Variants in ASTN2 observed in about 807,000 individuals in gnomAD.
The protein encoded by ASTN2 is astrotactin 2.
Under a neutral mutation model 139.8 loss-of-function variants are expected in ASTN2, and 54 were observed. That is an observed-to-expected ratio of 0.39 (90% CI 0.31 to 0.48). ASTN2 has a LOEUF of 0.48. Ranked by LOEUF, ASTN2 falls within the 20% of genes least tolerant of loss-of-function variation. ASTN2 has a pLI of 0.95. For missense variants in ASTN2, 1,565 were observed against 1,725.1 expected, an observed-to-expected ratio of 0.91 and a Z score of 1.64; for synonymous variants, 756 against 719.5, an observed-to-expected ratio of 1.05 and a Z score of -0.81.
In ASTN2 at chr9:116,698,654, A is replaced by C. The variant is rs1861012247; in HGVS notation, c.2806+27117T>G. ...AGAAGCCCCGGACAGTTAACGTGGA[A>C]GATTCCTGGGCCATGGAGGCCACAG... On this transcript the variant is annotated intron_variant, in intron 16 of 22. Transcript: ENST00000313400. This position sits in a 1 kb window ranked among gnomAD's most constrained non-coding sequence, Gnocchi z 4.4. 12 of 1,614,056 alleles carry C rather than the reference A, an allele frequency of 7.4e-6. No individual in the cohort carries two copies. In the East Asian group the frequency reaches 2.7e-4, roughly 36 times the overall value.
chr9:116,599,601 T>C (rs1481017313), intron 19 of ASTN2, among the ~76,000 whole-genome samples: 1 of 152,152 alleles, frequency 6.6e-6, no homozygotes, highest in Non-Finnish European at 1.5e-5. Flanking sequence ...TATGGACAGA[T>C]ATGACTGGCA....
At chr9:116,622,878 G>A (rs912330433) in intron 17 of ASTN2, among the ~76,000 whole-genome samples, 4 of 152,240 alleles carry the variant, frequency 2.6e-5, no homozygotes, top group African/African-American at 9.6e-5. Context: ...TCTCTAGCCA[G>A]CACCAGAAGG....
chr9:116,634,115 T>A (rs955636327), intron 17 of ASTN2, among the ~76,000 whole-genome samples: 5 of 152,140 alleles, frequency 3.3e-5, no homozygotes, highest in African/African-American at 1.2e-4. Context: ...ATGCTTCACT[T>A]TCTGCCTGTA....
intron 10 of ASTN2, among the ~76,000 whole-genome samples, chr9:116,936,376 A>G (rs1255781088): frequency 1.3e-5 from 2 of 152,030 alleles, no homozygotes; most frequent in Non-Finnish European, 2.9e-5. Context: ...CTACAACCCC[A>G]GGTACTGCCA....
chr9:117,379,745 A>G (rs1319320419), intron 1 of ASTN2, among the ~76,000 whole-genome samples: 1 of 152,194 alleles, frequency 6.6e-6, no homozygotes, highest in East Asian at 1.9e-4. Flanking sequence ...AAAATTCAAA[A>G]GAAGATAAAA....
chr9:117,296,598 G>C (rs961214525), intron 1 of ASTN2, among the ~76,000 whole-genome samples: 1 of 152,180 alleles, frequency 6.6e-6, no homozygotes, highest in Non-Finnish European at 1.5e-5. Flanking sequence ...TTAAGCAAAA[G>C]GGGGACTAAA....
intron 1 of ASTN2, among the ~76,000 whole-genome samples, chr9:117,315,891 T>C (rs908261854): frequency 1.3e-5 from 2 of 152,174 alleles, no homozygotes; most frequent in Non-Finnish European, 2.9e-5. Flanking sequence ...CACATAAGTA[T>C]AGGCTCCCCT....
chr9:116,808,827 A>T (rs1232671148), intron 12 of ASTN2, among the ~76,000 whole-genome samples: 1 of 152,148 alleles, frequency 6.6e-6, no homozygotes, highest in Non-Finnish European at 1.5e-5. Context: ...TTTCATGTTC[A>T]TTACTGCCAA....
chr9:116,632,177 A>AGG lies in ASTN2; in HGVS notation c.3073-11735_3073-11734insCC, dbSNP rs1484704634. 7.2e-3 allele frequency among the ~76,000 whole-genome samples: 150 copies of AGG among 20,798 alleles called. 7 individuals are homozygous for AGG. The East Asian group carries it at 0.1, about 14-fold the overall frequency. The allele number at this position is 20,798 out of a possible 152,430, so 13.6% of individuals were successfully genotyped here. A position where few individuals can be genotyped will look rare whatever the true frequency, so the allele number is the denominator to read the frequency against. On this transcript the variant is annotated intron_variant, in intron 17 of 22. Coordinates refer to ENST00000313400, the MANE Select transcript of ASTN2 (RefSeq NM_001365068.1). ...GAGAGACAGAGAGAGAGAGAGAGAG[A>AGG]GAGAGAGGGAGAGAGAGAGAAAGAA... is the stretch of plus-strand genomic sequence containing the variant.
chr9:117,149,315 G>C (rs1050117051), intron 3 of ASTN2, among the ~76,000 whole-genome samples: 1 of 152,146 alleles, frequency 6.6e-6, no homozygotes, highest in South Asian at 2.1e-4. Context: ...ACTACACCTG[G>C]CCTGAACCAG....
At chr9:116,526,621 CAA>C (rs34222127) in intron 19 of ASTN2, among the ~76,000 whole-genome samples, 4 of 137,280 alleles carry the variant, frequency 2.9e-5, no homozygotes, top group Non-Finnish European at 3.2e-5. Flanking sequence ...GAACTTGTCT[CAA>C]AAAAAAAAAA....
intron 7 of ASTN2, among the ~76,000 whole-genome samples, chr9:116,985,637 G>A (rs968587030): frequency 3.3e-5 from 5 of 152,180 alleles, no homozygotes; most frequent in Admixed American, 1.3e-4. Flanking sequence ...AGAGCTTCCC[G>A]CAAAATCATG....
intron 19 of ASTN2, among the ~76,000 whole-genome samples, chr9:116,594,992 G>A (rs745449549): frequency 4.6e-5 from 7 of 152,148 alleles, no homozygotes; most frequent in Non-Finnish European, 8.8e-5. Context: ...CCCCTTCAGG[G>A]ATTCCTTGGA....
At chr9:117,331,029 T>G (rs1447093450) in intron 1 of ASTN2, among the ~76,000 whole-genome samples, 2 of 152,186 alleles carry the variant, frequency 1.3e-5, no homozygotes, top group Non-Finnish European at 2.9e-5. Flanking sequence ...ATGCAACACC[T>G]AAGACAGAAA....
At chr9:117,085,408 C>T (rs1362597307) in intron 5 of ASTN2, among the ~76,000 whole-genome samples, 3 of 152,148 alleles carry the variant, frequency 2.0e-5, no homozygotes, top group African/African-American at 7.2e-5. Flanking sequence ...GAATCTTTCT[C>T]CTATGGCTGA....
intron 13 of ASTN2, among the ~76,000 whole-genome samples, chr9:116,761,868 T>C (rs1400270564): frequency 2.0e-5 from 3 of 152,152 alleles, no homozygotes; most frequent in Non-Finnish European, 4.4e-5. Flanking sequence ...TTGGAGTGAA[T>C]TCAGGATGAA....
rs535767302 is a variant in ASTN2 at position 117,079,232 on chromosome 9, T to C, written c.1276+16812A>G. 1.2e-4 allele frequency among the ~76,000 whole-genome samples: 19 copies of C among 152,248 alleles called. 1 individual carries two copies. The highest frequency in any genetic ancestry group is 4.6e-4 in the African/African-American group (19 of 41,560). On this transcript the variant is annotated intron_variant, in intron 5 of 22. Coordinates refer to ENST00000313400, the MANE Select transcript of ASTN2 (RefSeq NM_001365068.1). ...TTAGCCACGTGTGGTGGTGCGTGAC[T>C]GTGGTCCTAGCTTCTTGGGGGGCTG...
At chr9:117,118,506 G>A (rs1334603941) in intron 4 of ASTN2, among the ~76,000 whole-genome samples, 1 of 152,132 alleles carries the variant, frequency 6.6e-6, no homozygotes, top group Non-Finnish European at 1.5e-5. Flanking sequence ...CCACAAAATG[G>A]GCTTTCTGAC....
intron 22 of ASTN2, among the ~76,000 whole-genome samples, chr9:116,439,841 G>A (rs1020448810): frequency 1.3e-5 from 2 of 152,144 alleles, no homozygotes; most frequent in African/African-American, 2.4e-5. Flanking sequence ...CTATCATGAC[G>A]CTTATTATTC....
Sources: gnomAD v4.1 joint callset for allele counts (sites outside exome capture counted in the v4.1 genomes callset) on GRCh38, gnomAD v4.1.1 for gene constraint, Gnocchi (gnomAD v3.1) non-coding constraint, MANE v1.5 for transcripts, NCBI Gene and HGNC (gene_info 2026-07-23, HGNC 2026-07-21) for gene names.